The following TMEM178B variants were observed in gnomAD, a reference collection of about 807,000 sequenced individuals.
TMEM178B encodes transmembrane protein 178B.
A neutral mutation model predicts 31.0 loss-of-function variants in TMEM178B; 5 were observed. The ratio of observed to expected loss-of-function variants is 0.16; its 90% CI spans 0.08 to 0.34. The LOEUF (loss-of-function observed/expected upper bound fraction) is 0.34, where lower values mean the gene tolerates loss of function less well. Among genes scored for constraint, TMEM178B ranks in the 10% least tolerant of loss-of-function variants. The pLI is 1.00. For synonymous variants in TMEM178B, 164 were observed against 164.0 expected (o/e 1.00, Z 0.00); for missense variants, 275 against 400.3 (o/e 0.69, Z 2.67).
intron 1 of TMEM178B, among the ~76,000 whole-genome samples, chr7:141,109,406 G>A (rs1245713341): frequency 2.0e-5 from 3 of 152,166 alleles, no homozygotes; most frequent in Non-Finnish European, 4.4e-5. Context: ...TGGACAGAGT[G>A]TGACACGTGA....
intron 1 of TMEM178B, among the ~76,000 whole-genome samples, chr7:141,100,719 T>A (rs145472622): frequency 2.6e-5 from 4 of 152,316 alleles, no homozygotes; most frequent in African/African-American, 7.2e-5. Flanking sequence ...CACAGGTACA[T>A]GTATGAATGT....
chr7:141,290,037 G>T (rs903295249), intron 2 of TMEM178B, among the ~76,000 whole-genome samples: 11 of 152,198 alleles, frequency 7.2e-5, no homozygotes, highest in Admixed American at 7.2e-4. Flanking sequence ...GGCTAGTATG[G>T]TCCCTTCTGT....
intron 1 of TMEM178B, among the ~76,000 whole-genome samples, chr7:141,184,922 C>T (rs778163343): frequency 2.6e-5 from 4 of 152,218 alleles, no homozygotes; most frequent in Non-Finnish European, 4.4e-5. Flanking sequence ...TTCTGAATTC[C>T]AATCAGCACT....
chr7:141,488,767 T>G, the TMEM178B span, among the ~76,000 whole-genome samples: 1 of 152,098 alleles, frequency 6.6e-6, no homozygotes, highest in Non-Finnish European at 1.5e-5. Context: ...ACCCAGTTCC[T>G]CTGATACTGA....
At chr7:141,319,801 C>A (rs6945276) in intron 2 of TMEM178B, among the ~76,000 whole-genome samples, 49,544 of 152,112 alleles carry the variant, frequency 0.33, 10,291 homozygotes, top group African/African-American at 0.58. Context: ...TTAGAGAAAG[C>A]GTGCTTGGGT....
chr7:141,337,313 C>A (rs990657229), intron 2 of TMEM178B, among the ~76,000 whole-genome samples: 12 of 145,772 alleles, frequency 8.2e-5, no homozygotes, highest in Non-Finnish European at 4.5e-5. Flanking sequence ...ACCACCACCA[C>A]CATATTCATC....
intron 3 of TMEM178B, among the ~76,000 whole-genome samples, chr7:141,465,810 C>G (rs115399625): frequency 0.024 from 3,674 of 152,110 alleles, 148 homozygotes; most frequent in African/African-American, 0.082. Context: ...ATTGCTTGAG[C>G]CTAGGAATTC....
intron 1 of TMEM178B, among the ~76,000 whole-genome samples, chr7:141,109,314 A>G (rs1383661002): frequency 6.6e-6 from 1 of 152,146 alleles, no homozygotes; most frequent in Non-Finnish European, 1.5e-5. Flanking sequence ...GATGGGATCA[A>G]TGTGTTGTAA....
rs571239474 is a variant in TMEM178B at position 141,093,256 on chromosome 7, A to C, written c.382+18564A>C. ...AGACTGGATTCTGGATGTATTTTGA[A>C]TGGAAAGTTATCAGGATTGGCGGAG... On this transcript the variant is annotated intron_variant, in intron 1 of 3. Coordinates refer to ENST00000565468, the MANE Select transcript of TMEM178B (RefSeq NM_001195278.2). Among the ~76,000 whole-genome samples the C allele has an allele frequency of 3.9e-5, 6 of 152,306 alleles. No homozygotes were observed. In the East Asian group the frequency reaches 1.2e-3, roughly 29 times the overall value.
At chr7:141,155,054 G>A (rs960484617) in intron 1 of TMEM178B, among the ~76,000 whole-genome samples, 2 of 152,084 alleles carry the variant, frequency 1.3e-5, no homozygotes, top group Non-Finnish European at 2.9e-5. Flanking sequence ...TTCAGCTCAG[G>A]TTAGGAAAGG....
intron 2 of TMEM178B, among the ~76,000 whole-genome samples, chr7:141,322,192 G>A (rs17162112): frequency 0.33 from 50,511 of 151,832 alleles, 10,814 homozygotes; most frequent in African/African-American, 0.6. Context: ...AAATCACAAT[G>A]CCGAGGAGTA....
intron 2 of TMEM178B, among the ~76,000 whole-genome samples, chr7:141,309,758 A>G (rs1463896907): frequency 2.6e-5 from 4 of 152,200 alleles, no homozygotes; most frequent in Non-Finnish European, 4.4e-5. Flanking sequence ...CTAACTGACT[A>G]TATTTGCACA....
intron 3 of TMEM178B, among the ~76,000 whole-genome samples, chr7:141,444,755 A>G (rs1400454086): frequency 6.6e-6 from 1 of 152,116 alleles, no homozygotes; most frequent in East Asian, 1.9e-4. Flanking sequence ...CCTGGGACCC[A>G]GCCTGCTTTC....
chr7:141,370,530 TAGAC>T (rs1430069615), intron 2 of TMEM178B, among the ~76,000 whole-genome samples: 1 of 152,216 alleles, frequency 6.6e-6, no homozygotes. Context: ...GTACGGATAA[TAGAC>T]AGGGACTTTT....
chr7:141,319,774 G>A (rs932218898), intron 2 of TMEM178B, among the ~76,000 whole-genome samples: 2 of 152,140 alleles, frequency 1.3e-5, no homozygotes, highest in Non-Finnish European at 2.9e-5. Context: ...TTATCACAGA[G>A]TTCAGAAAAA....
At chr7:141,209,389 C>T (rs1183923472) in intron 1 of TMEM178B, among the ~76,000 whole-genome samples, 1 of 152,232 alleles carries the variant, frequency 6.6e-6, no homozygotes, top group East Asian at 1.9e-4. Flanking sequence ...CAGAGTTCTG[C>T]AACAATCGCC....
intron 2 of TMEM178B, among the ~76,000 whole-genome samples, chr7:141,303,437 G>A (rs12533169): frequency 0.36 from 54,032 of 152,118 alleles, 10,699 homozygotes; most frequent in Non-Finnish European, 0.45. Flanking sequence ...AATGCCTGCT[G>A]CAGGAGCTGG....
chr7:141,368,771 A>G (rs554961661), intron 2 of TMEM178B, among the ~76,000 whole-genome samples: 1 of 152,332 alleles, frequency 6.6e-6, no homozygotes, highest in Non-Finnish European at 1.5e-5. Context: ...GATTGCTGAA[A>G]AATTCCTTTT....
At chr7:141,215,114 G>A (rs558521995) in intron 2 of TMEM178B, among the ~76,000 whole-genome samples, 1 of 152,002 alleles carries the variant, frequency 6.6e-6, no homozygotes, top group South Asian at 2.1e-4. Context: ...AATTTTTAGA[G>A]GTCAGATATT....
Sources: gnomAD v4.1 joint callset for allele counts (sites outside exome capture counted in the v4.1 genomes callset) on GRCh38, gnomAD v4.1.1 for gene constraint, MANE v1.5 for transcripts, NCBI Gene and HGNC (gene_info 2026-07-23, HGNC 2026-07-21) for gene names.